The following TMEM178B variants were observed in gnomAD, a reference collection of about 807,000 sequenced individuals.
TMEM178B encodes transmembrane protein 178B.
Under a neutral mutation model 31.0 loss-of-function variants are expected in TMEM178B, and 5 were observed. The observed-to-expected ratio is 0.16, with a 90% CI of 0.08 to 0.34. The LOEUF is 0.34. Among genes scored for constraint, TMEM178B ranks in the 10% least tolerant of loss-of-function variants. The pLI is 1.00. For synonymous variants in TMEM178B, 164 were observed against 164.0 expected, an observed-to-expected ratio of 1.00 and a Z score of 0.00; for missense variants, 275 against 400.3, an observed-to-expected ratio of 0.69 and a Z score of 2.67.
At chr7:141,425,407 G>A (rs1451860833) in intron 2 of TMEM178B, among the ~76,000 whole-genome samples, 1 of 152,148 alleles carries the variant, frequency 6.6e-6, no homozygotes, top group Non-Finnish European at 1.5e-5. Context: ...AAGGAGAAAT[G>A]GAAGCTTCTT....
At chr7:141,430,952 T>G (rs933115598) in intron 2 of TMEM178B, among the ~76,000 whole-genome samples, 2 of 152,150 alleles carry the variant, frequency 1.3e-5, no homozygotes, top group African/African-American at 4.8e-5. Flanking sequence ...GGCCGCGTGC[T>G]CCTATCATGC....
chr7:141,103,856 A>G (rs1795097803), intron 1 of TMEM178B, among the ~76,000 whole-genome samples: 1 of 152,134 alleles, frequency 6.6e-6, no homozygotes, highest in Non-Finnish European at 1.5e-5. Flanking sequence ...GGAATTATGG[A>G]TTTTCCCTGG....
At chr7:141,398,701 G>A (rs1800700181) in intron 2 of TMEM178B, among the ~76,000 whole-genome samples, 1 of 152,216 alleles carries the variant, frequency 6.6e-6, no homozygotes, top group Non-Finnish European at 1.5e-5. Flanking sequence ...GAGCTTTCTG[G>A]AAGCCACAGG....
At chr7:141,225,869 A>G (rs73167472) in intron 2 of TMEM178B, among the ~76,000 whole-genome samples, 37,364 of 152,112 alleles carry the variant, frequency 0.25, 5,993 homozygotes, top group Non-Finnish European at 0.36. Context: ...AGGGACATCC[A>G]GTGTCCTTGG....
chr7:141,415,034 A>G (rs1460023915), intron 2 of TMEM178B: 1 of 152,318 alleles, frequency 6.6e-6, no homozygotes, highest in African/African-American at 2.4e-5. Context: ...CAAGCAGGGC[A>G]TGAAGCAGGG....
At position 141,318,514 on chromosome 7, in the gene TMEM178B, C is replaced by T. The variant is rs900534275; in HGVS notation, c.496+105810C>T. On this transcript the variant is annotated intron_variant, in intron 2 of 3. Coordinates refer to ENST00000565468, the MANE Select transcript of TMEM178B (RefSeq NM_001195278.2). The surrounding 1 kb of genome is among the most constrained non-coding windows in gnomAD (Gnocchi z 4.1). ...ATCTGATTTTAAAACTTTTCACTCACACTAAGGTAAATACCATTTGTCACT... is the reference window on the plus strand; with the variant it reads ...ATCTGATTTTAAAACTTTTCACTCATACTAAGGTAAATACCATTTGTCACT... Among the ~76,000 whole-genome samples the T allele has an allele frequency of 5.3e-5, 8 of 152,196 alleles. No individual in the cohort carries two copies. The highest frequency in any genetic ancestry group is 8.8e-5 in the Non-Finnish European group (6 of 68,044).
At chr7:141,078,151 A>G (rs1286842865) in intron 1 of TMEM178B, among the ~76,000 whole-genome samples, 1 of 152,142 alleles carries the variant, frequency 6.6e-6, no homozygotes, top group African/African-American at 2.4e-5. Flanking sequence ...GACTGCAGGC[A>G]CTGGGGACAG....
At chr7:141,205,473 TC>T (rs1796947654) in intron 1 of TMEM178B, among the ~76,000 whole-genome samples, 1 of 152,168 alleles carries the variant, frequency 6.6e-6, no homozygotes, top group South Asian at 2.1e-4. Context: ...CGGTGCTTCA[TC>T]CCTTCTCAGC....
chr7:141,501,003 C>T, the TMEM178B span, among the ~76,000 whole-genome samples: 1 of 151,990 alleles, frequency 6.6e-6, no homozygotes, highest in African/African-American at 2.4e-5. Context: ...GTATTTTATC[C>T]GTGTTGAAAA....
rs184335320 is a variant in TMEM178B at position 141,305,738 on chromosome 7, C to T, written c.496+93034C>T. 4.1e-4 allele frequency among the ~76,000 whole-genome samples: 62 copies of T among 152,200 alleles called. 2 individuals carry two copies. In the East Asian group the frequency reaches 0.012, roughly 29 times the overall value. On this transcript the variant is annotated intron_variant, in intron 2 of 3. Coordinates refer to ENST00000565468, the MANE Select transcript of TMEM178B (RefSeq NM_001195278.2). ...GCATGAGCCACTGTGCCTGGCTGGC[C>T]CTGTGCTTTTCTTATGCACCTTTTT...
intron 2 of TMEM178B, among the ~76,000 whole-genome samples, chr7:141,316,763 A>T (rs11974641): frequency 0.17 from 25,928 of 152,174 alleles, 2,536 homozygotes; most frequent in Non-Finnish European, 0.22. Flanking sequence ...ATTCATCAAG[A>T]TGTTTTTCCT....
At chr7:141,481,009 C>T (rs1802465144), downstream of TMEM178B, among the ~76,000 whole-genome samples, 1 of 152,106 alleles carries the variant, frequency 6.6e-6, no homozygotes, top group Non-Finnish European at 1.5e-5. Context: ...AGCTGGAAGC[C>T]TGTAGGAAGG....
intron 2 of TMEM178B, among the ~76,000 whole-genome samples, chr7:141,423,933 C>T (rs566833949): frequency 3.3e-5 from 5 of 151,098 alleles, no homozygotes; most frequent in South Asian, 2.1e-4. Context: ...CTTAGCCTCG[C>T]GAATAAGTGG....
At chr7:141,481,736 G>C (rs529812072), downstream of TMEM178B, among the ~76,000 whole-genome samples, 1 of 152,264 alleles carries the variant, frequency 6.6e-6, no homozygotes, top group South Asian at 2.1e-4. Context: ...AGAACTTGAA[G>C]AAATGGGAGA....
rs1183734762 is a variant in TMEM178B, at chr7:141,274,561, C to T, written c.496+61857C>T. Among the ~76,000 whole-genome samples the T allele has an allele frequency of 3.9e-5, 6 of 152,266 alleles. No individual in the cohort carries two copies. In the South Asian group the frequency reaches 6.2e-4, roughly 16 times the overall value. On this transcript the variant is annotated intron_variant, in intron 2 of 3. Coordinates refer to ENST00000565468, the MANE Select transcript of TMEM178B (RefSeq NM_001195278.2). ...GGCCCACCCCCTTCTTTTTCTATTC[C>T]GGCTCTGTTCCATTCCAGGAGGGTC...
intron 1 of TMEM178B, among the ~76,000 whole-genome samples, chr7:141,111,502 TA>T (rs375103029): frequency 6.6e-6 from 1 of 152,334 alleles, no homozygotes; most frequent in East Asian, 1.9e-4. Flanking sequence ...TGTCCTTATC[TA>T]ACATGTTAAT....
intron 2 of TMEM178B, among the ~76,000 whole-genome samples, chr7:141,324,115 AG>A (rs1422173998): frequency 6.6e-6 from 1 of 152,124 alleles, no homozygotes; most frequent in Non-Finnish European, 1.5e-5. Flanking sequence ...TAAGAAACGT[AG>A]GGGGGAAGCA....
chr7:141,117,196 C>T (rs187411550), intron 1 of TMEM178B, among the ~76,000 whole-genome samples: 148 of 152,282 alleles, frequency 9.7e-4, no homozygotes, highest in Middle Eastern at 3.4e-3. Flanking sequence ...GACTTTTTAA[C>T]GATTGCCATT....
At position 141,074,511 on chromosome 7, in the gene TMEM178B, G is replaced by A; in HGVS notation, c.201G>A (p.Ala67=). The A allele has an allele frequency of 3.3e-6, 5 of 1,536,036 alleles. No individual in the cohort carries two copies. The highest frequency in any genetic ancestry group is 4.4e-6 in the Non-Finnish European group (5 of 1,146,832). The change falls in exon 1 of 4, where the codon GCG becomes GCA. Residue 67 remains alanine (A), a synonymous_variant. Coordinates refer to ENST00000565468, the MANE Select transcript of TMEM178B (RefSeq NM_001195278.2). The surrounding 1 kb of genome is among the most constrained non-coding windows in gnomAD (Gnocchi z 5.1). ...YNNNNNLPLR[A]SRSRLDRWEG... is the part of the protein sequence containing the mutation. Reference sequence around the variant, plus strand: ...ATAACAACAACTTGCCGCTCCGGGCGAGCCGCTCGCGCCTGGACCGCTGGG... The same window carrying A: ...ATAACAACAACTTGCCGCTCCGGGCAAGCCGCTCGCGCCTGGACCGCTGGG...
Sources: gnomAD v4.1 joint callset for allele counts (sites outside exome capture counted in the v4.1 genomes callset) on GRCh38, gnomAD v4.1.1 for gene constraint, Gnocchi (gnomAD v3.1) non-coding constraint, MANE v1.5 for transcripts, NCBI Gene and HGNC (gene_info 2026-07-23, HGNC 2026-07-21) for gene names.